LOC400499: variants seen among roughly 807,000 people sequenced by gnomAD.
the LOC400499 span, among the ~76,000 whole-genome samples, chr16:11,423,882 G>A: frequency 1.6e-4 from 25 of 152,328 alleles, 1 homozygote; most frequent in East Asian, 4.8e-3. Flanking sequence ...TGGGAGGGCA[G>A]GGTACCCTGC....
chr16:11,489,614 T>C, the LOC400499 span, among the ~76,000 whole-genome samples: 1 of 152,114 alleles, frequency 6.6e-6, no homozygotes, highest in East Asian at 1.9e-4. Flanking sequence ...TAGAGCAGAA[T>C]GTGGGTTTTT....
At chr16:11,421,823 T>G in the LOC400499 span, among the ~76,000 whole-genome samples, 3 of 152,198 alleles carry the variant, frequency 2.0e-5, no homozygotes, top group Admixed American at 2.0e-4. Context: ...GGGATTCCAC[T>G]GGGGTGTTGA....
At chr16:11,399,422 G>T in the LOC400499 span, 1 of 439,374 alleles carries the variant, frequency 2.3e-6, no homozygotes. Context: ...CCTGTGGCAG[G>T]TGGAGCCGCC....
chr16:11,430,116 G>T, the LOC400499 span, among the ~76,000 whole-genome samples: 1 of 152,176 alleles, frequency 6.6e-6, no homozygotes, highest in Non-Finnish European at 1.5e-5. Flanking sequence ...AGGCTTTCTT[G>T]AAAGCAGGCA....
chr16:11,516,131 C>G, the LOC400499 span: 1 of 399,616 alleles, frequency 2.5e-6, no homozygotes, highest in Non-Finnish European at 4.4e-6. Context: ...CTTCCCATCT[C>G]CTGGCCTCAC....
At chr16:11,438,736 C>T in the LOC400499 span, among the ~76,000 whole-genome samples, 1 of 151,794 alleles carries the variant, frequency 6.6e-6, no homozygotes, top group Non-Finnish European at 1.5e-5. Context: ...CTGAAGTGAG[C>T]CATGATTATG....
the LOC400499 span, among the ~76,000 whole-genome samples, chr16:11,501,458 G>C: frequency 6.6e-6 from 1 of 152,026 alleles, no homozygotes; most frequent in African/African-American, 2.4e-5. Flanking sequence ...CCTGGGCTCA[G>C]GTGATCCTCC....
the LOC400499 span, chr16:11,384,271 ATCAGC>A: frequency 8.1e-7 from 1 of 1,232,416 alleles, no homozygotes; most frequent in Non-Finnish European, 1.0e-6. Flanking sequence ...ATCCGGCAAC[ATCAGC>A]TCATTGCCTG....
At chr16:11,422,770 A>G in the LOC400499 span, among the ~76,000 whole-genome samples, 1 of 152,112 alleles carries the variant, frequency 6.6e-6, no homozygotes. Context: ...TCCTGCCTGC[A>G]CCCTCGGCAG....
the LOC400499 span, among the ~76,000 whole-genome samples, chr16:11,519,787 C>T: frequency 6.6e-6 from 1 of 151,238 alleles, no homozygotes; most frequent in Non-Finnish European, 1.5e-5. Context: ...CTCACAGCAA[C>T]CTCCATCTCC....
At chr16:11,510,996 G>T in the LOC400499 span, among the ~76,000 whole-genome samples, 1 of 150,568 alleles carries the variant, frequency 6.6e-6, no homozygotes, top group East Asian at 1.9e-4. Context: ...AGGCAATGAT[G>T]ATTTTCTTTT....
At chr16:11,441,710 G>A in the LOC400499 span, among the ~76,000 whole-genome samples, 1 of 152,200 alleles carries the variant, frequency 6.6e-6, no homozygotes, top group Non-Finnish European at 1.5e-5. Context: ...ACAGAGACTG[G>A]AAGATGCCAC....
the LOC400499 span, chr16:11,384,023 G>A: frequency 1.9e-5 from 23 of 1,231,684 alleles, no homozygotes; most frequent in Admixed American, 8.4e-5. Context: ...CAGGATGGAT[G>A]CAAGACTCAG....
the LOC400499 span, among the ~76,000 whole-genome samples, chr16:11,418,127 G>A: frequency 1.7e-4 from 26 of 152,332 alleles, no homozygotes; most frequent in African/African-American, 6.0e-4. Context: ...AAGACTTTGG[G>A]AAGACCAAGA....
At chr16:11,459,791 T>C in the LOC400499 span, 1 of 1,151,010 alleles carries the variant, frequency 8.7e-7, no homozygotes, top group Non-Finnish European at 1.1e-6. Context: ...TTTCAGCTGC[T>C]TGCATCCTTG....
the LOC400499 span, among the ~76,000 whole-genome samples, chr16:11,400,305 G>GTGC: frequency 6.6e-6 from 1 of 152,026 alleles, no homozygotes; most frequent in Non-Finnish European, 1.5e-5. Context: ...GTTGCCTGCA[G>GTGC]TGCTGCTCCT....
the LOC400499 span, chr16:11,383,924 C>T: frequency 1.5e-5 from 19 of 1,231,908 alleles, no homozygotes; most frequent in African/African-American, 6.2e-5. Context: ...TGGGGGCCCT[C>T]GAAGAAGGCC....
At chr16:11,459,266 G>A in the LOC400499 span, among the ~76,000 whole-genome samples, 3 of 138,166 alleles carry the variant, frequency 2.2e-5, no homozygotes, top group African/African-American at 5.5e-5. Context: ...GTGCGATCTC[G>A]GCTCACTGCA....
chr16:11,375,470 C>T, the LOC400499 span, among the ~76,000 whole-genome samples: 1 of 141,028 alleles, frequency 7.1e-6, no homozygotes, highest in Non-Finnish European at 1.5e-5. Context: ...TACACCACCA[C>T]TCCTGGCTAA....
Sources: gnomAD v4.1 joint callset for allele counts (sites outside exome capture counted in the v4.1 genomes callset) on GRCh38, gnomAD v4.1.1 for gene constraint, MANE v1.5 for transcripts.